The following GALNTL6 variants were observed in gnomAD, a reference collection of about 807,000 sequenced individuals.
GALNTL6 encodes polypeptide N-acetylgalactosaminyltransferase like 6.
In GALNTL6, 46 loss-of-function variants were observed where a neutral mutation model predicts 73.7. The observed-to-expected ratio is 0.62, with a 90% CI of 0.49 to 0.80. The LOEUF (loss-of-function observed/expected upper bound fraction) is 0.80. Ranked by LOEUF, GALNTL6 falls within the 30% of genes least tolerant of loss-of-function variation. GALNTL6 has a pLI of 0.00. For synonymous variants in GALNTL6, 259 were observed against 263.7 expected, an observed-to-expected ratio of 0.98 and a Z score of 0.17; for missense variants, 604 against 755.0, an observed-to-expected ratio of 0.80 and a Z score of 2.34.
At chr4:172,186,971 T>A (rs990099900) in intron 2 of GALNTL6, among the ~76,000 whole-genome samples, 1 of 152,130 alleles carries the variant, frequency 6.6e-6, no homozygotes, top group African/African-American at 2.4e-5. Flanking sequence ...TTTGTTTTTT[T>A]AAAATTGGTA....
intron 2 of GALNTL6, among the ~76,000 whole-genome samples, chr4:171,858,839 C>T (rs553584424): frequency 1.5e-3 from 228 of 152,118 alleles, no homozygotes; most frequent in Non-Finnish European, 2.9e-3. Flanking sequence ...TCAGGAAAAA[C>T]TCCTTATATT....
chr4:172,711,792 A>C (rs1471672820), intron 5 of GALNTL6, among the ~76,000 whole-genome samples: 5 of 152,172 alleles, frequency 3.3e-5, no homozygotes, highest in Non-Finnish European at 7.4e-5. Flanking sequence ...GTCAACATAC[A>C]TATGGTCTTA....
intron 2 of GALNTL6, among the ~76,000 whole-genome samples, chr4:172,010,069 C>A (rs1181050609): frequency 6.6e-6 from 1 of 152,096 alleles, no homozygotes; most frequent in East Asian, 1.9e-4. Flanking sequence ...GATTCTCTAA[C>A]TTCCTACATA....
intron 7 of GALNTL6, among the ~76,000 whole-genome samples, chr4:172,828,991 G>A (rs1742467412): frequency 6.6e-6 from 1 of 152,162 alleles, no homozygotes; most frequent in African/African-American, 2.4e-5. Flanking sequence ...GAAACACTGG[G>A]GAAGGATCTG....
intron 5 of GALNTL6, among the ~76,000 whole-genome samples, chr4:172,488,317 G>A (rs958059761): frequency 3.9e-5 from 6 of 152,200 alleles, no homozygotes; most frequent in Admixed American, 2.6e-4. Context: ...AATCAGAAAC[G>A]CAGATAGGGC....
At chr4:172,484,913 AG>A (rs1371221691) in intron 5 of GALNTL6, among the ~76,000 whole-genome samples, 1 of 152,172 alleles carries the variant, frequency 6.6e-6, no homozygotes, top group Non-Finnish European at 1.5e-5. Context: ...ATAGTTTTAA[AG>A]GCTGTGTTTT....
intron 5 of GALNTL6, among the ~76,000 whole-genome samples, chr4:172,553,180 G>T (rs745891927): frequency 3.5e-4 from 54 of 152,146 alleles, no homozygotes; most frequent in Non-Finnish European, 4.3e-4. Flanking sequence ...AGTTGAATAT[G>T]ATTCAAACCC....
At chr4:172,924,362 G>A (rs1281970959) in intron 8 of GALNTL6, among the ~76,000 whole-genome samples, 2 of 152,146 alleles carry the variant, frequency 1.3e-5, no homozygotes, top group Non-Finnish European at 2.9e-5. Context: ...ATTGAAAGAA[G>A]GCTCCATGTG....
At chr4:171,919,377 A>T (rs1340598856) in intron 2 of GALNTL6, among the ~76,000 whole-genome samples, 3 of 152,088 alleles carry the variant, frequency 2.0e-5, no homozygotes, top group Non-Finnish European at 2.9e-5. Flanking sequence ...TTTCTGACAC[A>T]TGCTCATCCC....
intron 8 of GALNTL6, among the ~76,000 whole-genome samples, chr4:172,908,374 ACT>A (rs952349008): frequency 2.6e-5 from 4 of 151,818 alleles, no homozygotes; most frequent in African/African-American, 9.7e-5. Flanking sequence ...TAATGAGAAA[ACT>A]CTAGGAATTT....
At chr4:172,133,837 C>T (rs1438724266) in intron 2 of GALNTL6, among the ~76,000 whole-genome samples, 2 of 152,136 alleles carry the variant, frequency 1.3e-5, no homozygotes. Context: ...AAGTAGAGAG[C>T]AATGTATTTG....
chr4:172,522,126 T>G (rs1734794528), intron 5 of GALNTL6, among the ~76,000 whole-genome samples: 1 of 152,190 alleles, frequency 6.6e-6, no homozygotes, highest in Non-Finnish European at 1.5e-5. Context: ...TTTTAAGTCT[T>G]TGTGTCACAA....
intron 3 of GALNTL6, among the ~76,000 whole-genome samples, chr4:172,285,647 A>G (rs1228348247): frequency 6.6e-6 from 1 of 151,936 alleles, no homozygotes; most frequent in Non-Finnish European, 1.5e-5. Flanking sequence ...GCCCCTACCC[A>G]CCTCAGGGAG....
At chr4:172,065,290 A>G (rs1579103016) in intron 2 of GALNTL6, among the ~76,000 whole-genome samples, 1 of 152,118 alleles carries the variant, frequency 6.6e-6, no homozygotes, top group East Asian at 1.9e-4. Flanking sequence ...TTGTGCTCCT[A>G]TGAGACTCTA....
chr4:172,480,199 T>C (rs1412840453), intron 5 of GALNTL6, among the ~76,000 whole-genome samples: 2 of 151,944 alleles, frequency 1.3e-5, no homozygotes, highest in African/African-American at 4.8e-5. Flanking sequence ...CCCAACTACT[T>C]GAGAAGCTGA....
At chr4:172,721,500 C>A (rs940833388) in intron 5 of GALNTL6, among the ~76,000 whole-genome samples, 9 of 152,126 alleles carry the variant, frequency 5.9e-5, no homozygotes, top group Non-Finnish European at 1.2e-4. Context: ...TTTTAAAAAA[C>A]ATAGGGAAAC....
intron 2 of GALNTL6, among the ~76,000 whole-genome samples, chr4:171,853,173 G>A (rs1199633137): frequency 2.0e-5 from 3 of 151,716 alleles, no homozygotes; most frequent in Admixed American, 1.3e-4. Flanking sequence ...AGATGTAGGA[G>A]GTTAAAGGGT....
intron 2 of GALNTL6, among the ~76,000 whole-genome samples, chr4:172,127,884 C>A (rs950295590): frequency 1.3e-5 from 2 of 151,990 alleles, no homozygotes; most frequent in Non-Finnish European, 2.9e-5. Flanking sequence ...GAGTGGATAG[C>A]CTGAGGTCAG....
intron 5 of GALNTL6, among the ~76,000 whole-genome samples, chr4:172,372,985 C>G (rs949572944): frequency 6.6e-6 from 1 of 152,176 alleles, no homozygotes; most frequent in Non-Finnish European, 1.5e-5. Context: ...GGCTTTCGAC[C>G]TACACACCTT....
Sources: allele counts gnomAD v4.1 joint callset (sites outside exome capture counted in the v4.1 genomes callset), GRCh38; gene constraint gnomAD v4.1.1; transcripts MANE v1.5; gene names NCBI Gene and HGNC (gene_info 2026-07-23, HGNC 2026-07-21).